KIAA1328: variants seen among roughly 807,000 people sequenced by gnomAD.
KIAA1328 encodes KIAA1328, also known as protein hinderin.
A neutral mutation model predicts 68.1 loss-of-function variants in KIAA1328; 52 were observed. The observed-to-expected ratio is 0.76, with a 90% CI of 0.61 to 0.96. KIAA1328 has a LOEUF of 0.96. KIAA1328 is among the 40% of genes least tolerant of loss of function. The pLI, the probability that KIAA1328 is intolerant of heterozygous loss-of-function variation, is 0.00. For missense variants in KIAA1328, 641 were observed against 677.6 expected (o/e 0.95, Z 0.60); for synonymous variants, 232 against 239.4 (o/e 0.97, Z 0.28).
chr18:36,990,967 A>C (rs2053154649), intron 6 of KIAA1328, among the ~76,000 whole-genome samples: 1 of 152,150 alleles, frequency 6.6e-6, no homozygotes, highest in Non-Finnish European at 1.5e-5. Context: ...TAAACAGTTA[A>C]TTGTGATTTC....
chr18:37,148,017 G>C (rs2058942906), intron 7 of KIAA1328, among the ~76,000 whole-genome samples: 1 of 151,982 alleles, frequency 6.6e-6, no homozygotes, highest in African/African-American at 2.4e-5. Context: ...AGATGTGCAA[G>C]TTTGTCACAT....
chr18:37,225,965 T>G (rs1444886158), downstream of KIAA1328, among the ~76,000 whole-genome samples: 1 of 152,184 alleles, frequency 6.6e-6, no homozygotes, highest in African/African-American at 2.4e-5. Flanking sequence ...ATTTGGGTGT[T>G]TAGGAATCTG....
At chr18:37,025,451 A>G (rs1202997258) in intron 6 of KIAA1328, among the ~76,000 whole-genome samples, 1 of 152,212 alleles carries the variant, frequency 6.6e-6, no homozygotes, top group Non-Finnish European at 1.5e-5. Flanking sequence ...CACTTATTCC[A>G]AAATTGACCA....
At chr18:36,862,786 A>G (rs2047608152) in intron 4 of KIAA1328, among the ~76,000 whole-genome samples, 1 of 152,224 alleles carries the variant, frequency 6.6e-6, no homozygotes, top group Non-Finnish European at 1.5e-5. Context: ...CATTCCCAAC[A>G]GCAATGTAAG....
chr18:37,147,790 A>G (rs2058936102), intron 7 of KIAA1328, among the ~76,000 whole-genome samples: 1 of 152,108 alleles, frequency 6.6e-6, no homozygotes, highest in African/African-American at 2.4e-5. Context: ...GTATTGCCCA[A>G]TTTGTAGCAT....
chr18:37,151,938 T>A (rs1442965376), intron 7 of KIAA1328, among the ~76,000 whole-genome samples: 12 of 151,858 alleles, frequency 7.9e-5, no homozygotes. Context: ...GAAGGAGGTA[T>A]CTATGTGGAG....
intron 7 of KIAA1328, among the ~76,000 whole-genome samples, chr18:37,143,519 T>C (rs913908192): frequency 5.9e-5 from 8 of 135,212 alleles, no homozygotes; most frequent in Non-Finnish European, 1.1e-4. Context: ...CTTTTTTTCT[T>C]TCTTTTTTTT....
In KIAA1328 at chr18:36,857,488, A is replaced by G. The variant is rs146804620; in HGVS notation, c.332+13186A>G. Among the ~76,000 whole-genome samples, 28 of 152,330 alleles carry G rather than the reference A, an allele frequency of 1.8e-4. No homozygotes were observed. The East Asian group carries it at 5.4e-3, about 29-fold the overall frequency. On this transcript the variant is annotated intron_variant, in intron 4 of 9. Coordinates refer to ENST00000280020, the MANE Select transcript of KIAA1328 (RefSeq NM_020776.3). ...ATAACAAGGTCCATATTGTCCCATTAGTACCAGCAAGCCTCACCAAGATTG... is the reference window on the plus strand; with the variant it reads ...ATAACAAGGTCCATATTGTCCCATTGGTACCAGCAAGCCTCACCAAGATTG...
Position 36,829,263 on chromosome 18 carries a change from C to T in KIAA1328, c.58+67C>T, listed in dbSNP as rs755190060. ...CGGGACGGCGAGGGGCGAGCCGTCG[C>T]GTGGCAGTCCGAGAGCGGAGGAGAA... On this transcript the variant is annotated intron_variant, in intron 1 of 9. Transcript: ENST00000280020. 1.4e-5 allele frequency: 21 copies of T among 1,451,364 alleles called. No individual in the cohort carries two copies. In the South Asian group the frequency reaches 2.8e-4, roughly 19 times the overall value. The allele number at this position is 1,451,364 out of a possible 1,614,324, so 89.9% of individuals were successfully genotyped here.
chr18:37,045,409 G>A (rs1171468322), intron 6 of KIAA1328, among the ~76,000 whole-genome samples: 1 of 151,620 alleles, frequency 6.6e-6, no homozygotes, highest in Non-Finnish European at 1.5e-5. Context: ...CTTCCTTTTT[G>A]TGAAATCAAT....
chr18:37,015,375 G>C (rs953395622), intron 6 of KIAA1328, among the ~76,000 whole-genome samples: 1 of 152,132 alleles, frequency 6.6e-6, no homozygotes, highest in African/African-American at 2.4e-5. Context: ...TTTTGTACCA[G>C]TACCGTGCTG....
chr18:37,081,622 G>C (rs1052591204), intron 7 of KIAA1328, among the ~76,000 whole-genome samples: 1 of 152,136 alleles, frequency 6.6e-6, no homozygotes, highest in African/African-American at 2.4e-5. Context: ...ATTAGGTTAT[G>C]TTTATTCAAC....
rs569074264 is a variant in KIAA1328, at chr18:37,209,755, G to GA, written c.1524-12250dup. Among the ~76,000 whole-genome samples the GA allele has an allele frequency of 4.4e-3, 607 of 139,080 alleles. 6 individuals are homozygous for GA. The highest frequency in any genetic ancestry group is 0.011 in the African/African-American group (401 of 37,910). 91.2% of individuals were successfully genotyped at this position (139,080 alleles called of 152,430 possible). A position where few individuals can be genotyped will look rare whatever the true frequency, so the allele number is the denominator to read the frequency against. On this transcript the variant is annotated intron_variant, in intron 9 of 9. Coordinates refer to ENST00000280020, the MANE Select transcript of KIAA1328 (RefSeq NM_020776.3). The stretch of plus-strand genomic sequence containing the variant: ...TTGATTGAGAGGAGTGGGATTCAGA[G>GA]AAAAAAAAAAAAGAGTTCTGTTTTG...
chr18:36,832,246 G>A (rs1331730185), intron 1 of KIAA1328, among the ~76,000 whole-genome samples: 1 of 152,134 alleles, frequency 6.6e-6, no homozygotes, highest in Non-Finnish European at 1.5e-5. Context: ...TTTGTTTAGA[G>A]TTTTATATAT....
chr18:37,067,054 G>T lies in KIAA1328; in HGVS notation c.741G>T (p.Leu247Phe). Residue 247 changes from leucine (L) to phenylalanine (F), a missense_variant, in exon 7 of 10, where the codon TTG becomes TTT. Transcript: ENST00000280020. Reference protein sequence around the residue: ...ESLIAFRNNSLKPVTLHHPKD... With the variant: ...ESLIAFRNNSFKPVTLHHPKD... Reference sequence around the variant, plus strand: ...TTATAGCATTTAGGAATAATTCTTTGAAACCAGTAACCCTTCATCATCCCA... The same window carrying T: ...TTATAGCATTTAGGAATAATTCTTTTAAACCAGTAACCCTTCATCATCCCA... The T allele has an allele frequency of 6.2e-7, 1 of 1,613,924 alleles. No individual in the cohort carries two copies. The highest frequency in any genetic ancestry group is 2.2e-5 in the East Asian group (1 of 44,870).
intron 5 of KIAA1328, among the ~76,000 whole-genome samples, chr18:36,910,036 G>A (rs188528395): frequency 2.4e-4 from 37 of 152,254 alleles, no homozygotes; most frequent in Admixed American, 3.9e-4. Flanking sequence ...TTAGCCCTTC[G>A]TCAGATGAGT....
chr18:37,003,817 A>T (rs1275144830), intron 6 of KIAA1328, among the ~76,000 whole-genome samples: 1 of 152,092 alleles, frequency 6.6e-6, no homozygotes, highest in African/African-American at 2.4e-5. Flanking sequence ...CTTGCCAATT[A>T]TCCCAGCACC....
chr18:37,101,332 G>A (rs1385973651), intron 7 of KIAA1328, among the ~76,000 whole-genome samples: 8 of 152,144 alleles, frequency 5.3e-5, no homozygotes, highest in Non-Finnish European at 7.3e-5. Flanking sequence ...AGGACCTGAT[G>A]GAGCTGAAAA....
intron 5 of KIAA1328, among the ~76,000 whole-genome samples, chr18:36,952,022 T>G (rs79971878): frequency 3.6e-3 from 556 of 152,346 alleles, no homozygotes; most frequent in Non-Finnish European, 5.7e-3. Context: ...TAGGGTAACA[T>G]TTGAGATCTA....
Sources: allele counts gnomAD v4.1 joint callset (sites outside exome capture counted in the v4.1 genomes callset), GRCh38; gene constraint gnomAD v4.1.1; transcripts MANE v1.5; gene names NCBI Gene and HGNC (gene_info 2026-07-23, HGNC 2026-07-21).